KLF13: variants seen among roughly 807,000 people sequenced by gnomAD.
KLF13 encodes KLF transcription factor 13, also known as Krueppel-like factor 13.
Under a neutral mutation model 16.7 loss-of-function variants are expected in KLF13, and 8 were observed. The observed-to-expected ratio is 0.48, with a 90% CI of 0.28 to 0.87. The LOEUF is 0.87. Ranked by LOEUF, KLF13 falls within the 40% of genes least tolerant of loss-of-function variation. The probability of loss-of-function intolerance (pLI) is 0.10; values close to 1 mark genes in which losing one functional copy is unlikely to be tolerated. For missense variants in KLF13, 447 were observed against 452.2 expected (o/e 0.99, Z 0.10); for synonymous variants, 245 against 208.4 (o/e 1.18, Z -1.51).
downstream of KLF13, among the ~76,000 whole-genome samples, chr15:31,405,361 T>G (rs1176921808): frequency 6.6e-6 from 1 of 152,170 alleles, no homozygotes; most frequent in African/African-American, 2.4e-5. Flanking sequence ...GAACCCCCTC[T>G]CCTCTTCTGC....
intron 1 of KLF13, among the ~76,000 whole-genome samples, chr15:31,368,246 G>A (rs1262660730): frequency 6.6e-6 from 1 of 152,226 alleles, no homozygotes; most frequent in Admixed American, 6.5e-5. Flanking sequence ...CGAGGCCATA[G>A]CGTCACAACT....
chr15:31,406,360 C>T (rs1237330115), downstream of KLF13, among the ~76,000 whole-genome samples: 1 of 152,140 alleles, frequency 6.6e-6, no homozygotes, highest in African/African-American at 2.4e-5. Context: ...ACCTGTAATC[C>T]CAGCTACTTG....
chr15:31,432,888 G>T (rs2040490285), intron 1 of KLF13, among the ~76,000 whole-genome samples: 1 of 152,116 alleles, frequency 6.6e-6, no homozygotes, highest in East Asian at 1.9e-4. Context: ...GCCGAGGCAG[G>T]CGGATAACTT....
intron 1 of KLF13, among the ~76,000 whole-genome samples, chr15:31,363,989 C>T (rs534051384): frequency 3.2e-4 from 49 of 152,310 alleles, no homozygotes; most frequent in African/African-American, 1.2e-3. Context: ...ATTGACTGCT[C>T]CCTGCCCTAG....
chr15:31,399,240 G>A (rs1173786257), intron 2 of KLF13, among the ~76,000 whole-genome samples: 1 of 152,220 alleles, frequency 6.6e-6, no homozygotes, highest in Non-Finnish European at 1.5e-5. Context: ...GGAGTGCAAT[G>A]GCGCAATCTT....
At chr15:31,335,283 T>C (rs541338721) in intron 1 of KLF13, among the ~76,000 whole-genome samples, 1 of 152,144 alleles carries the variant, frequency 6.6e-6, no homozygotes, top group African/African-American at 2.4e-5. Flanking sequence ...CAGTTGAAAC[T>C]AGGGCTGTGG....
intron 1 of KLF13, among the ~76,000 whole-genome samples, chr15:31,357,119 C>A (rs2039312398): frequency 6.6e-6 from 1 of 152,188 alleles, no homozygotes; most frequent in Admixed American, 6.5e-5. Flanking sequence ...ATTTTTATTT[C>A]TGCCACATTT....
At chr15:31,362,614 T>C (rs1259370359) in intron 1 of KLF13, among the ~76,000 whole-genome samples, 2 of 152,250 alleles carry the variant, frequency 1.3e-5, no homozygotes, top group Non-Finnish European at 2.9e-5. Context: ...TTTTTTGTTT[T>C]GAATTTAACT....
At chr15:31,379,333 T>C (rs1595485686), downstream of KLF13, among the ~76,000 whole-genome samples, 1 of 152,304 alleles carries the variant, frequency 6.6e-6, no homozygotes, top group East Asian at 1.9e-4. Flanking sequence ...TGCTCCGCCT[T>C]CTCAGAGCCA....
At position 31,369,941 on chromosome 15, in the gene KLF13, C is replaced by T. The variant is rs547383844; in HGVS notation, c.578-2069C>T. On this transcript the variant is annotated intron_variant, in intron 1 of 1. Transcript: ENST00000307145. ...AGCTGTGAGAGCTCCTGTTTTTACT[C>T]AGTGTTCTGACATTGCAGAGCTTCT... 1.8e-3 allele frequency among the ~76,000 whole-genome samples: 269 copies of T among 152,138 alleles called. 1 individual carries two copies. Among genetic ancestry groups the T allele is most frequent in the African/African-American group, 6.3e-3 (263 of 41,498 alleles).
At chr15:31,378,757 C>A (rs1413305920), downstream of KLF13, among the ~76,000 whole-genome samples, 1 of 152,116 alleles carries the variant, frequency 6.6e-6, no homozygotes, top group African/African-American at 2.4e-5. Flanking sequence ...TCGTTGCTGT[C>A]GCCGAGGCTG....
chr15:31,330,063 A>T (rs1228100408), intron 1 of KLF13, among the ~76,000 whole-genome samples: 1 of 152,132 alleles, frequency 6.6e-6, no homozygotes, highest in Non-Finnish European at 1.5e-5. Context: ...GCCCATTTCC[A>T]GCCCCTTCCC....
chr15:31,339,879 C>T (rs750297555), intron 1 of KLF13: 158 of 686,640 alleles, frequency 2.3e-4, no homozygotes, highest in Non-Finnish European at 3.1e-4. Context: ...GATGCAGCAG[C>T]GGGCTCTCGT....
chr15:31,391,468 G>A (rs1595493261), upstream of KLF13, among the ~76,000 whole-genome samples: 1 of 151,648 alleles, frequency 6.6e-6, no homozygotes, highest in East Asian at 1.9e-4. Flanking sequence ...CCACGTTTTG[G>A]AAATTCAGTG....
chr15:31,392,981 C>G (rs1025920990), exon 1 of KLF13: 7 of 152,824 alleles, frequency 4.6e-5, no homozygotes, highest in African/African-American at 1.7e-4. Flanking sequence ...AAGCAGAGCC[C>G]CTTTCCACGA....
rs370067885 is a variant in KLF13 at position 31,341,411 on chromosome 15, C to T, written c.577+13622C>T. Among the ~76,000 whole-genome samples, 21 of 151,928 alleles carry T rather than the reference C, an allele frequency of 1.4e-4. No individual in the cohort carries two copies. In the South Asian group the frequency reaches 3.7e-3, roughly 27 times the overall value. ...AACTTGCAAGAGCAAAATTTCACCC[C>T]CTGCAGTATTGTTCATGGGTACCTA... On this transcript the variant is annotated intron_variant, in intron 1 of 1. Transcript: ENST00000307145.
rs1019090829 is a variant in KLF13 at position 31,375,473 on chromosome 15, A to G, written c.*3174A>G. ...AACCCATAGGACTCATAGAAATAAT[A>G]GTGAAAACTCAAACCCTTATTTTGG... On this transcript the variant is annotated 3_prime_UTR_variant, in exon 2 of 2. Coordinates refer to ENST00000307145, the MANE Select transcript of KLF13 (RefSeq NM_015995.4). 6.6e-6 allele frequency: 1 copy of G among 152,224 alleles called. No homozygotes were observed. Among genetic ancestry groups the G allele is most frequent in the Non-Finnish European group, 1.5e-5 (1 of 68,036 alleles). The allele number at this position is 152,224 out of a possible 1,614,324, so 9.4% of individuals were successfully genotyped here.
At chr15:31,422,419 A>C (rs2040339616) in intron 1 of KLF13, among the ~76,000 whole-genome samples, 1 of 152,174 alleles carries the variant, frequency 6.6e-6, no homozygotes, top group African/African-American at 2.4e-5. Context: ...GAATGCAAGC[A>C]GGGGAAACGG....
chr15:31,348,608 T>C (rs1234860298), intron 1 of KLF13, among the ~76,000 whole-genome samples: 1 of 151,878 alleles, frequency 6.6e-6, no homozygotes, highest in Non-Finnish European at 1.5e-5. Context: ...CTCTGGCCAC[T>C]GATGTCCGCA....
Sources: allele counts gnomAD v4.1 joint callset (sites outside exome capture counted in the v4.1 genomes callset), GRCh38; gene constraint gnomAD v4.1.1; transcripts MANE v1.5; gene names NCBI Gene and HGNC (gene_info 2026-07-23, HGNC 2026-07-21).